The following P2RX7 variants were observed in gnomAD, a reference collection of about 807,000 sequenced individuals.
P2RX7 encodes the protein P2X purinoceptor 7.
Under a neutral mutation model 71.6 loss-of-function variants are expected in P2RX7, and 62 were observed. That is an observed-to-expected ratio of 0.87 (90% CI 0.71 to 1.07). P2RX7 has a LOEUF of 1.07. Among genes scored for constraint, P2RX7 ranks in the 50% least tolerant of loss-of-function variants. P2RX7 has a pLI of 0.00. For synonymous variants in P2RX7, 299 were observed against 283.3 expected, an observed-to-expected ratio of 1.06 and a Z score of -0.56; for missense variants, 686 against 748.5, an observed-to-expected ratio of 0.92 and a Z score of 0.97.
In P2RX7 at chr12:121,177,330, T is replaced by C. The variant is rs907993565; in HGVS notation, c.1072T>C (p.Tyr358His). 2 of 1,613,938 alleles carry C rather than the reference T, an allele frequency of 1.2e-6. No homozygotes were observed. Among genetic ancestry groups the C allele is most frequent in the African/African-American group, 2.7e-5 (2 of 74,920 alleles). The part of the protein sequence containing the change: ...AVFIDFLIDT[Y>H]SSNCCRSHIY... ...GTTCATCGACTTCCTCATCGACACTTACTCCAGTAACTGCTGTCGCTCCCA... is the reference window on the plus strand; with the variant it reads ...GTTCATCGACTTCCTCATCGACACTCACTCCAGTAACTGCTGTCGCTCCCA... The change falls in exon 11 of 13, where the codon TAC becomes CAC. Residue 358 changes from tyrosine (Y) to histidine (H), a missense_variant. Transcript: ENST00000328963.
Position 121,155,002 on chromosome 12 carries a change from C to T in P2RX7, c.294+49C>T, listed in dbSNP as rs569035297. ...CAGGCTCGTCGCTGGTCACCGTCGC[C>T]AGGGCCTAGCTCCCTTCCCCTAGGA... On this transcript the variant is annotated intron_variant, in intron 2 of 12. Coordinates refer to ENST00000328963, the MANE Select transcript of P2RX7 (RefSeq NM_002562.6). 32 of 1,606,176 alleles carry T rather than the reference C, an allele frequency of 2.0e-5. No homozygotes were observed. The South Asian group carries it at 3.3e-4, about 17-fold the overall frequency.
chr12:121,155,122 G>A lies in P2RX7; in HGVS notation c.294+169G>A, dbSNP rs573171625. 5 of 1,476,594 alleles carry A rather than the reference G, an allele frequency of 3.4e-6. No homozygotes were observed. In the Admixed American group the frequency reaches 8.4e-5, roughly 25 times the overall value. The allele number at this position is 1,476,594 out of a possible 1,614,324, so 91.5% of individuals were successfully genotyped here. On this transcript the variant is annotated intron_variant, in intron 2 of 12. Transcript: ENST00000328963. ...ACCTAAAAATTGCAAAACTGGGTGA[G>A]ATCCAGGAGATGATTCTTTGCTTTA...
intron 11 of P2RX7, among the ~76,000 whole-genome samples, chr12:121,177,656 A>C (rs1183253877): frequency 6.6e-6 from 1 of 151,982 alleles, no homozygotes; most frequent in Non-Finnish European, 1.5e-5. Flanking sequence ...AGGGAAGGCA[A>C]ATTTTTATGT....
intron 1 of P2RX7, among the ~76,000 whole-genome samples, chr12:121,143,913 C>T (rs1341899264): frequency 2.0e-5 from 3 of 152,114 alleles, no homozygotes; most frequent in Non-Finnish European, 2.9e-5. Flanking sequence ...AGAAAATCAC[C>T]GGTTTTAAAT....
rs372463378 is a variant in P2RX7 at position 121,137,221 on chromosome 12, C to T, written c.125+4126C>T. Among the ~76,000 whole-genome samples, 196 of 152,276 alleles carry T rather than the reference C, an allele frequency of 1.3e-3. 3 individuals are homozygous for T. Among genetic ancestry groups the T allele is most frequent in the Middle Eastern group, 0.01 (3 of 294 alleles). ...TTCCCTCCGTCAATCTCTGTTCCCA[C>T]GTGCTTTTTAGCGAGCATCTTGCTG... On this transcript the variant is annotated intron_variant, in intron 1 of 12. Coordinates refer to ENST00000328963, the MANE Select transcript of P2RX7 (RefSeq NM_002562.6).
chr12:121,170,752 C>T (rs1262519388), intron 8 of P2RX7, among the ~76,000 whole-genome samples: 2 of 151,878 alleles, frequency 1.3e-5, no homozygotes, highest in African/African-American at 2.4e-5. Context: ...CCAGCCTGGG[C>T]GACAGAGCAA....
At chr12:121,164,008 G>C (rs939856895) in intron 5 of P2RX7, among the ~76,000 whole-genome samples, 1 of 142,846 alleles carries the variant, frequency 7.0e-6, no homozygotes, top group African/African-American at 2.6e-5. Flanking sequence ...TTCATTTCTC[G>C]GTCAGGGGCA....
Position 121,149,205 on chromosome 12 carries a change from G to C in P2RX7, c.126-5580G>C. 1 of 351,648 alleles carries C rather than the reference G, an allele frequency of 2.8e-6. No individual in the cohort carries two copies. The highest frequency in any genetic ancestry group is 2.3e-5 in the South Asian group (1 of 44,126). The allele number at this position is 351,648 out of a possible 1,614,324, so 21.8% of individuals were successfully genotyped here. On this transcript the variant is annotated intron_variant, in intron 1 of 12. Transcript: ENST00000328963. This position sits in a 1 kb window ranked among gnomAD's most constrained non-coding sequence, Gnocchi z 4.7. ...TGGGCACCTTCATCTCCATCTGGTG[G>C]GTCCAGAGCAAGCAGCCTCAGGGTC...
intron 12 of P2RX7, 146 bp from the exon 13 acceptor site, chr12:121,184,159 T>G (rs1884595727): frequency 2.2e-6 from 2 of 899,460 alleles, no homozygotes; most frequent in African/African-American, 1.7e-5. Context: ...ACAGAACACA[T>G]GCATGGTCCT....
At chr12:121,135,596 A>G (rs1346066346) in intron 1 of P2RX7, among the ~76,000 whole-genome samples, 1 of 152,054 alleles carries the variant, frequency 6.6e-6, no homozygotes, top group Non-Finnish European at 1.5e-5. Flanking sequence ...TGAGAAATAT[A>G]TGGCATATAG....
chr12:121,175,222 A>G (rs1882869179), intron 8 of P2RX7, among the ~76,000 whole-genome samples, 166 bp from the exon 9 acceptor site: 1 of 149,744 alleles, frequency 6.7e-6, no homozygotes, highest in Non-Finnish European at 1.5e-5. Flanking sequence ...GAGGTGGGAG[A>G]ATCATCTGAG....
At chr12:121,136,023 A>AAAAATATATATATATATAT in intron 1 of P2RX7, among the ~76,000 whole-genome samples, 1 of 15,256 alleles carries the variant, frequency 6.6e-5, no homozygotes. Flanking sequence ...AAAAAAAAAA[A>AAAAATATATATATATATAT]ATATATATAT....
intron 11 of P2RX7, among the ~76,000 whole-genome samples, chr12:121,179,371 A>G (rs1348758883): frequency 6.6e-6 from 1 of 151,950 alleles, no homozygotes; most frequent in Non-Finnish European, 1.5e-5. Flanking sequence ...ATGGTGGCGC[A>G]TGCCTGTAAT....
Position 121,154,131 on chromosome 12 carries a change from A to G in P2RX7, c.126-654A>G, listed in dbSNP as rs1219269059. The stretch of plus-strand genomic sequence containing the variant: ...GAGCAAGGCCCTTTCTCTGGAATAA[A>G]AAAAAAAGAGAGGCTGGGCGCAGTG... On this transcript the variant is annotated intron_variant, in intron 1 of 12. Transcript: ENST00000328963. This position sits in a 1 kb window ranked among gnomAD's most constrained non-coding sequence, Gnocchi z 4.2. 6.6e-6 allele frequency among the ~76,000 whole-genome samples: 1 copy of G among 151,718 alleles called. No individual in the cohort carries two copies. The highest frequency in any genetic ancestry group is 2.4e-5 in the African/African-American group (1 of 41,264).
chr12:121,154,887 G>A lies in P2RX7; in HGVS notation c.228G>A (p.Val76=). The change falls in exon 2 of 13, where the codon GTG becomes GTA. Residue 76 remains valine (V), a synonymous_variant. Transcript: ENST00000328963. The surrounding 1 kb of genome is among the most constrained non-coding windows in gnomAD (Gnocchi z 4.2). ...KGIAEVKEEI[V]ENGVKKLVHS... ...TAGCAGAGGTGAAAGAGGAGATCGT[G>A]GAGAATGGAGTGAAGAAGTTGGTGC... 3.7e-6 allele frequency: 6 copies of A among 1,614,102 alleles called. 1 individual carries two copies. The highest frequency in any genetic ancestry group is 1.6e-4 in the Middle Eastern group (1 of 6,062).
chr12:121,167,395 A>C (rs1421199662), intron 7 of P2RX7, 93 bp from the exon 8 acceptor site: 4 of 1,473,180 alleles, frequency 2.7e-6, no homozygotes, highest in Non-Finnish European at 3.7e-6. Flanking sequence ...TCCTCTAAAA[A>C]CCTTAAGCAA....
chr12:121,144,355 A>C (rs1178954277), intron 1 of P2RX7, among the ~76,000 whole-genome samples: 1 of 152,104 alleles, frequency 6.6e-6, no homozygotes, highest in Admixed American at 6.5e-5. Flanking sequence ...GCACCAACAC[A>C]CCTGGCTAAT....
chr12:121,146,648 G>T (rs1876274901), intron 1 of P2RX7, among the ~76,000 whole-genome samples: 1 of 152,138 alleles, frequency 6.6e-6, no homozygotes, highest in Non-Finnish European at 1.5e-5. Context: ...AGCATGAAAT[G>T]GTTCAAGTTT....
chr12:121,163,966 A>G (rs550855611), intron 5 of P2RX7, among the ~76,000 whole-genome samples: 11 of 152,204 alleles, frequency 7.2e-5, no homozygotes, highest in South Asian at 6.2e-4. Context: ...ATCACCCCTT[A>G]TGATTCTCAA....
Sources: allele counts gnomAD v4.1 joint callset (sites outside exome capture counted in the v4.1 genomes callset), GRCh38; gene constraint gnomAD v4.1.1; non-coding constraint Gnocchi (gnomAD v3.1); transcripts MANE v1.5; gene names NCBI Gene and HGNC (gene_info 2026-07-23, HGNC 2026-07-21).